GOLGB1: variants seen among roughly 807,000 people sequenced by gnomAD.
The protein encoded by GOLGB1 is golgin B1.
A neutral mutation model predicts 336.9 loss-of-function variants in GOLGB1; 174 were observed. The ratio of observed to expected loss-of-function variants is 0.52; its 90% confidence interval spans 0.46 to 0.59. GOLGB1 has a LOEUF of 0.59. GOLGB1 is among the 20% of genes least tolerant of loss of function. The pLI is 0.00. For missense variants in GOLGB1, 3,331 were observed against 3,645.3 expected, an observed-to-expected ratio of 0.91 and a Z score of 2.22; for synonymous variants, 1,208 against 1,289.2, an observed-to-expected ratio of 0.94 and a Z score of 1.35.
In GOLGB1 at chr3:121,695,942, A is replaced by G. The variant is rs1942902150; in HGVS notation, c.4581T>C (p.Asp1527=). 1 of 1,613,832 alleles carries G rather than the reference A, an allele frequency of 6.2e-7. No individual in the cohort carries two copies. The highest frequency in any genetic ancestry group is 2.2e-5 in the East Asian group (1 of 44,872). The part of the protein sequence containing the change: ...TIERLTKSLA[D]VESQVSAQNK... Reference sequence around the variant, plus strand: ...TTTGAGCAGAAACTTGGCTTTCCACATCTGCCAGAGACTTGGTGAGACGTT... The same window carrying G: ...TTTGAGCAGAAACTTGGCTTTCCACGTCTGCCAGAGACTTGGTGAGACGTT... The change falls in exon 13 of 22, where the codon GAT becomes GAC. Residue 1527 remains aspartate (D), a synonymous_variant. Coordinates refer to ENST00000614479, the MANE Select transcript of GOLGB1 (RefSeq NM_001366282.2).
chr3:121,675,131 C>T (rs996466499), intron 17 of GOLGB1, among the ~76,000 whole-genome samples: 14 of 150,970 alleles, frequency 9.3e-5, no homozygotes, highest in South Asian at 8.5e-4. Context: ...CCACCGCGCC[C>T]GGCCTGAGGT....
At chr3:121,665,219 T>C (rs1456454228) in intron 20 of GOLGB1, among the ~76,000 whole-genome samples, 188 bp from the exon 21 acceptor site, 1 of 152,180 alleles carries the variant, frequency 6.6e-6, no homozygotes, top group Non-Finnish European at 1.5e-5. Context: ...AGCAGCAAAA[T>C]GTGACAATAA....
At position 121,746,421 on chromosome 3, in the gene GOLGB1, T is replaced by C. The variant is rs1285643463; in HGVS notation, c.-3+3211A>G. Among the ~76,000 whole-genome samples, 4 of 152,178 alleles carry C rather than the reference T, an allele frequency of 2.6e-5. No homozygotes were observed. In the East Asian group the frequency reaches 7.7e-4, roughly 29 times the overall value. The stretch of plus-strand genomic sequence containing the variant: ...CTGCCAAACACTGCTCCAATATCTT[T>C]ACACATAACTTACTTTTCGTTATTT... On this transcript the variant is annotated intron_variant, in intron 1 of 21. Coordinates refer to ENST00000614479, the MANE Select transcript of GOLGB1 (RefSeq NM_001366282.2).
chr3:121,677,147 T>C (rs1447824159), intron 16 of GOLGB1, 117 bp from the exon 17 acceptor site: 3 of 1,303,146 alleles, frequency 2.3e-6, no homozygotes, highest in Non-Finnish European at 3.2e-6. Flanking sequence ...GGGCACTTAA[T>C]AGTGGCAGAT....
At position 121,698,142 on chromosome 3, in the gene GOLGB1, G is replaced by A; in HGVS notation, c.2381C>T (p.Ala794Val). 6.2e-7 allele frequency: 1 copy of A among 1,613,742 alleles called. No homozygotes were observed. Among genetic ancestry groups the A allele is most frequent in the Non-Finnish European group, 8.5e-7 (1 of 1,179,910 alleles). The change falls in exon 13 of 22, where the codon GCC (alanine) becomes GTC (valine). Residue 794 changes from alanine to valine, a missense_variant. Ala to Val is a moderately conservative substitution (Grantham distance 64, BLOSUM62 0). Transcript: ENST00000614479. ...QRRLDYESQT[A>V]HDNLLTEQIH... is the part of the protein sequence containing the mutation. Reference sequence around the variant, plus strand: ...CTGTTCAGTGAGCAGGTTGTCATGGGCAGTTTGGCTTTCATAATCAAGTCT... The same window carrying A: ...CTGTTCAGTGAGCAGGTTGTCATGGACAGTTTGGCTTTCATAATCAAGTCT...
rs1274253233 is a variant in GOLGB1, at chr3:121,664,424, A to G, written c.*56T>C. ...CCACTGGAATTGATGTTCTGATGTT[A>G]GAGGTGAGAGAATTCCAAGTTTTGA... On this transcript the variant is annotated 3_prime_UTR_variant, in exon 22 of 22. Transcript: ENST00000614479. 6 of 1,412,400 alleles carry G rather than the reference A, an allele frequency of 4.2e-6. No individual in the cohort carries two copies. In the African/African-American group the frequency reaches 8.4e-5, roughly 20 times the overall value. 87.5% of individuals were successfully genotyped at this position (1,412,400 alleles called of 1,614,324 possible).
Position 121,694,788 on chromosome 3 carries a change from C to G in GOLGB1, c.5735G>C (p.Arg1912Thr). The change falls in exon 13 of 22, where the codon AGA becomes ACA. Residue 1912 changes from arginine to threonine, a missense_variant. By Grantham distance (71) the Arg-to-Thr change is moderately conservative (BLOSUM62 -1). Coordinates refer to ENST00000614479, the MANE Select transcript of GOLGB1 (RefSeq NM_001366282.2). ...TGCTGTCTCCTTTAGTTTGGTAACT[C>G]TGGAGAGTTCTTCTTGGATTTGCTG... ...LNQQIQEELS[R>T]VTKLKETAEE... 6.2e-7 allele frequency: 1 copy of G among 1,613,146 alleles called. No homozygotes were observed. Among genetic ancestry groups the G allele is most frequent in the Non-Finnish European group, 8.5e-7 (1 of 1,179,748 alleles).
chr3:121,669,719 C>T (rs1488162338), intron 17 of GOLGB1, among the ~76,000 whole-genome samples: 4 of 152,100 alleles, frequency 2.6e-5, no homozygotes, highest in African/African-American at 9.7e-5. Context: ...GTTCATGGTA[C>T]TAACAAATGA....
Position 121,696,961 on chromosome 3 carries a change from C to G in GOLGB1, c.3562G>C (p.Ala1188Pro), listed in dbSNP as rs1469001475. 6.2e-7 allele frequency: 1 copy of G among 1,614,024 alleles called. No homozygotes were observed. Among genetic ancestry groups the G allele is most frequent in the Non-Finnish European group, 8.5e-7 (1 of 1,179,990 alleles). The change falls in exon 13 of 22, where the codon GCC becomes CCC. Residue 1188 changes from alanine to proline, a missense_variant. Physicochemically the swap from Ala to Pro is conservative, Grantham distance 27. Coordinates refer to ENST00000614479, the MANE Select transcript of GOLGB1 (RefSeq NM_001366282.2). Reference sequence around the variant, plus strand: ...AGAATTGCCTTGCGGGAGGTTAAGGCTTCCTGTAGCTTCTTTTGAAGTTGC... The same window carrying G: ...AGAATTGCCTTGCGGGAGGTTAAGGGTTCCTGTAGCTTCTTTTGAAGTTGC... ...KEQLQKKLQE[A>P]LTSRKAILKK...
chr3:121,746,771 C>A (rs929874846), intron 1 of GOLGB1, among the ~76,000 whole-genome samples: 1 of 152,092 alleles, frequency 6.6e-6, no homozygotes, highest in Non-Finnish European at 1.5e-5. Context: ...TGAGCCACTG[C>A]GCCCGGCCTA....
In GOLGB1 at chr3:121,749,037, C is replaced by T. The variant is rs539983638; in HGVS notation, c.-3+595G>A. On this transcript the variant is annotated intron_variant, in intron 1 of 21. Coordinates refer to ENST00000614479, the MANE Select transcript of GOLGB1 (RefSeq NM_001366282.2). ...CTGATTCCTGGGATTTTCGTGTTGA[C>T]GGGATCGTTGGGATCTTTCCTCTCT... 5.3e-5 allele frequency: 21 copies of T among 398,778 alleles called. No individual in the cohort carries two copies. The East Asian group carries it at 1.1e-3, about 21-fold the overall frequency. 24.7% of individuals were successfully genotyped at this position (398,778 alleles called of 1,614,324 possible).
intron 3 of GOLGB1, among the ~76,000 whole-genome samples, chr3:121,729,661 C>A (rs565882586): frequency 1.3e-5 from 2 of 152,254 alleles, no homozygotes; most frequent in African/African-American, 4.8e-5. Flanking sequence ...AAGAAATCCT[C>A]CCATCTCAGC....
At chr3:121,748,492 G>T (rs1245543994) in intron 1 of GOLGB1, among the ~76,000 whole-genome samples, 1 of 152,204 alleles carries the variant, frequency 6.6e-6, no homozygotes, top group African/African-American at 2.4e-5. Context: ...GGGATGAGAA[G>T]TAAAAGCTAT....
In GOLGB1 at chr3:121,691,283, T is replaced by C. The variant is rs1942391764; in HGVS notation, c.8081A>G (p.His2694Arg). The change falls in exon 14 of 22, where the codon CAT becomes CGT. Residue 2694 changes from histidine (H) to arginine (R), a missense_variant. Coordinates refer to ENST00000614479, the MANE Select transcript of GOLGB1 (RefSeq NM_001366282.2). Reference sequence around the variant, plus strand: ...TTCATTTCTCATTATCCCTGCATCATGATGAAGATGCTTTAATTCTTTCTT... The same window carrying C: ...TTCATTTCTCATTATCCCTGCATCACGATGAAGATGCTTTAATTCTTTCTT... Reference protein sequence around the residue: ...KLKKELKHLHHDAGIMRNETE... With the variant: ...KLKKELKHLHRDAGIMRNETE... The C allele has an allele frequency of 1.2e-6, 2 of 1,613,666 alleles. No individual in the cohort carries two copies. Among genetic ancestry groups the C allele is most frequent in the Admixed American group, 1.7e-5 (1 of 59,968 alleles).
chr3:121,667,512 T>G lies in GOLGB1; in HGVS notation c.9518A>C (p.Glu3173Ala), dbSNP rs1275138423. Residue 3173 changes from glutamate (E) to alanine (A), a missense_variant, in exon 20 of 22, where the codon GAG (glutamate) becomes GCG (alanine). Transcript: ENST00000614479. ...EEERDQRVAA[E>A]NALSVAEEQI... ...CTCCTCGGCCACAGAGAGAGCATTC[T>G]CAGCAGCCACTCTTTGGTCTCGTTC... is the stretch of plus-strand genomic sequence containing the variant. The G allele has an allele frequency of 6.2e-7, 1 of 1,614,154 alleles. No individual in the cohort carries two copies. The highest frequency in any genetic ancestry group is 8.5e-7 in the Non-Finnish European group (1 of 1,179,980).
intron 15 of GOLGB1, among the ~76,000 whole-genome samples, chr3:121,680,049 C>T (rs565784546): frequency 4.1e-4 from 63 of 152,286 alleles, no homozygotes; most frequent in African/African-American, 1.1e-3. Context: ...TAATGAGGTG[C>T]CCCTCTCCAC....
Position 121,698,634 on chromosome 3 carries a change from A to T in GOLGB1, c.1889T>A (p.Met630Lys), listed in dbSNP as rs1381970002. ...LEDTGQDFPL[M>K]PNEESSLPAV... is the part of the protein sequence containing the mutation. ...TGGAAGACTGCTCTCTTCATTTGGC[A>T]TTAAGGGAAAATCTTGCCCTGTATC... is the stretch of plus-strand genomic sequence containing the variant. Residue 630 changes from methionine (M) to lysine (K), a missense_variant, in exon 13 of 22, where the codon ATG becomes AAG. Coordinates refer to ENST00000614479, the MANE Select transcript of GOLGB1 (RefSeq NM_001366282.2). 1 of 1,613,718 alleles carries T rather than the reference A, an allele frequency of 6.2e-7. No individual in the cohort carries two copies. The highest frequency in any genetic ancestry group is 1.3e-5 in the African/African-American group (1 of 74,892).
In GOLGB1 at chr3:121,697,234, C is replaced by G; in HGVS notation, c.3289G>C (p.Ala1097Pro). The stretch of plus-strand genomic sequence containing the variant: ...GTCTGATTCATCTGTTTGACCAGAG[C>G]CTGGAATTGCTCTTCAGCTGCCAGC... ...EKLAAEEQFQ[A>P]LVKQMNQTLQ... Residue 1097 changes from alanine to proline, a missense_variant, in exon 13 of 22, where the codon GCT (alanine) becomes CCT (proline). Physicochemically the swap from Ala to Pro is conservative, Grantham distance 27 (BLOSUM62 -1). Transcript: ENST00000614479. 6.2e-7 allele frequency: 1 copy of G among 1,614,128 alleles called. No individual in the cohort carries two copies. The highest frequency in any genetic ancestry group is 8.5e-7 in the Non-Finnish European group (1 of 1,179,988).
intron 9 of GOLGB1, among the ~76,000 whole-genome samples, chr3:121,716,230 A>G (rs1944764038): frequency 6.6e-6 from 1 of 152,208 alleles, no homozygotes; most frequent in African/African-American, 2.4e-5. Flanking sequence ...CTTTTATAAT[A>G]ACACATTTTT....
Sources: gnomAD v4.1 joint callset for allele counts (sites outside exome capture counted in the v4.1 genomes callset) on GRCh38, gnomAD v4.1.1 for gene constraint, MANE v1.5 for transcripts, NCBI Gene and HGNC (gene_info 2026-07-23, HGNC 2026-07-21) for gene names.